SYT6: variants seen among roughly 807,000 people sequenced by gnomAD.
The protein encoded by SYT6 is synaptotagmin-6.
Under a neutral mutation model 38.4 loss-of-function variants are expected in SYT6, and 24 were observed. That is an observed-to-expected ratio of 0.62 (90% confidence interval 0.45 to 0.88). The LOEUF (loss-of-function observed/expected upper bound fraction) is 0.88, where lower values mean the gene tolerates loss of function less well. Ranked by LOEUF, SYT6 falls within the 40% of genes least tolerant of loss-of-function variation. The pLI is 0.00. For synonymous variants in SYT6, 265 were observed against 241.9 expected, an observed-to-expected ratio of 1.10 and a Z score of -0.89; for missense variants, 611 against 621.0, an observed-to-expected ratio of 0.98 and a Z score of 0.17.
At chr1:114,107,781 C>T (rs548661575) in intron 3 of SYT6, among the ~76,000 whole-genome samples, 11 of 152,300 alleles carry the variant, frequency 7.2e-5, no homozygotes, top group Admixed American at 4.6e-4. Context: ...CTCTCTCAGG[C>T]GGTTTCAGTC....
chr1:114,141,156 T>C (rs1238592555), intron 1 of SYT6, among the ~76,000 whole-genome samples: 2 of 152,074 alleles, frequency 1.3e-5, no homozygotes, highest in East Asian at 3.9e-4. Context: ...AATCAAAAGC[T>C]AGAAATAATG....
intron 1 of SYT6, among the ~76,000 whole-genome samples, chr1:114,147,662 C>T (rs980138391): frequency 1.3e-5 from 2 of 152,332 alleles, no homozygotes; most frequent in South Asian, 2.1e-4. Context: ...CCAGAATGAC[C>T]GACAGCACAG....
chr1:114,151,101 G>T (rs1679418767), intron 1 of SYT6, among the ~76,000 whole-genome samples: 1 of 152,162 alleles, frequency 6.6e-6, no homozygotes, highest in Non-Finnish European at 1.5e-5. Context: ...GGAGAATCTG[G>T]ACCCAGAGAG....
intron 3 of SYT6, among the ~76,000 whole-genome samples, chr1:114,124,510 C>T (rs1677613849): frequency 6.6e-6 from 1 of 152,038 alleles, no homozygotes; most frequent in Admixed American, 6.6e-5. Context: ...GGGCAGGTGC[C>T]CACCAGCAGT....
At chr1:114,126,150 G>A (rs559111550) in intron 3 of SYT6, among the ~76,000 whole-genome samples, 4 of 152,264 alleles carry the variant, frequency 2.6e-5, no homozygotes, top group Admixed American at 6.5e-5. Context: ...GCCCAGATTT[G>A]CATTGACTCC....
chr1:114,105,357 C>G (rs1301012458), intron 3 of SYT6, among the ~76,000 whole-genome samples: 1 of 145,138 alleles, frequency 6.9e-6, no homozygotes, highest in Admixed American at 6.9e-5. Flanking sequence ...ACCTCCAGAG[C>G]CTGCGCTCAC....
In SYT6 at chr1:114,111,152, C is replaced by T. The variant is rs567749920; in HGVS notation, c.1072-7431G>A. 1.2e-4 allele frequency among the ~76,000 whole-genome samples: 18 copies of T among 152,318 alleles called. No individual in the cohort carries two copies. In the South Asian group the frequency reaches 3.3e-3, roughly 28 times the overall value. ...AAGCTTCTTCACCGGGTGGCCCTCG[C>T]CTTTCTAGCCAGCCTCACCTTCCAC... On this transcript the variant is annotated intron_variant, in intron 3 of 7. Coordinates refer to ENST00000610222, the MANE Select transcript of SYT6 (RefSeq NM_001253772.2).
chr1:114,134,604 G>A (rs1678370061), intron 3 of SYT6, among the ~76,000 whole-genome samples: 1 of 152,228 alleles, frequency 6.6e-6, no homozygotes, highest in African/African-American at 2.4e-5. Flanking sequence ...GCCACATGGA[G>A]GATGACGGCA....
chr1:114,137,563 T>A lies in SYT6; in HGVS notation c.1003A>T (p.Asn335Tyr). ...HDMIGEVILD[N>Y]LFEASDLSRE... ...GACAGGTCAGAGGCCTCAAAGAGGT[T>A]GTCCAGGATGACCTCGCCAATCATG... The change falls in exon 3 of 8, where the codon AAC (asparagine) becomes TAC (tyrosine). Residue 335 changes from asparagine to tyrosine, a missense_variant. By Grantham distance (143) the Asn-to-Tyr change is moderately radical. Transcript: ENST00000610222. The A allele has an allele frequency of 6.2e-7, 1 of 1,614,164 alleles. No homozygotes were observed. Among genetic ancestry groups the A allele is most frequent in the Non-Finnish European group, 8.5e-7 (1 of 1,180,024 alleles).
At chr1:114,094,259 A>T (rs565374820) in intron 6 of SYT6, among the ~76,000 whole-genome samples, 15 of 152,242 alleles carry the variant, frequency 9.9e-5, no homozygotes, top group Non-Finnish European at 2.1e-4. Context: ...GGAGGCTTAC[A>T]GTGGCTCTGA....
chr1:114,106,103 C>A (rs1342731594), intron 3 of SYT6, among the ~76,000 whole-genome samples: 1 of 152,182 alleles, frequency 6.6e-6, no homozygotes. Flanking sequence ...ATGGGTCCTG[C>A]GGCAGGGGGC....
At chr1:114,101,352 C>A (rs1675957897) in intron 4 of SYT6, among the ~76,000 whole-genome samples, 1 of 152,144 alleles carries the variant, frequency 6.6e-6, no homozygotes, top group Admixed American at 6.5e-5. Flanking sequence ...CTTGGAGGTC[C>A]TTTCCTCTCT....
intron 3 of SYT6, among the ~76,000 whole-genome samples, chr1:114,126,212 A>G (rs1246074886): frequency 6.6e-6 from 1 of 152,146 alleles, no homozygotes; most frequent in African/African-American, 2.4e-5. Context: ...TTGCTCATCT[A>G]TGGCAGGAGG....
intron 1 of SYT6, among the ~76,000 whole-genome samples, chr1:114,149,163 G>C (rs1325658767): frequency 4.0e-5 from 6 of 150,680 alleles, no homozygotes; most frequent in Non-Finnish European, 8.9e-5. Flanking sequence ...GTAACCAGTG[G>C]CCTCTGGAAA....
intron 1 of SYT6, among the ~76,000 whole-genome samples, chr1:114,146,721 T>C (rs1679175486): frequency 6.6e-6 from 1 of 152,224 alleles, no homozygotes; most frequent in South Asian, 2.1e-4. Flanking sequence ...CTTCTTTACT[T>C]CTTCTTCAGC....
At chr1:114,122,926 C>G (rs919718573) in intron 3 of SYT6, among the ~76,000 whole-genome samples, 3 of 152,208 alleles carry the variant, frequency 2.0e-5, no homozygotes, top group Non-Finnish European at 4.4e-5. Flanking sequence ...TTTCAAAATG[C>G]CTGTCCGGGC....
At chr1:114,139,558 T>A (rs1261549969) in intron 2 of SYT6, 57 bp downstream of exon 2, 1 of 1,598,082 alleles carries the variant, frequency 6.3e-7, no homozygotes, top group Non-Finnish European at 8.5e-7. Context: ...ATCCCATAGA[T>A]GTATTAAGGG....
Position 114,139,867 on chromosome 1 carries a change from G to T in SYT6, c.260C>A (p.Pro87His). 6.3e-7 allele frequency: 1 copy of T among 1,575,306 alleles called. No homozygotes were observed. The highest frequency in any genetic ancestry group is 8.6e-7 in the Non-Finnish European group (1 of 1,161,200). Residue 87 changes from proline to histidine, a missense_variant, in exon 2 of 8, where the codon CCC becomes CAC. Coordinates refer to ENST00000610222, the MANE Select transcript of SYT6 (RefSeq NM_001253772.2). ...LFLFWKLCWM[P>H]WRNKEASSPS... is the part of the protein sequence containing the mutation. Reference sequence around the variant, plus strand: ...ACTGGAGGCCTCCTTGTTCCTCCAGGGCATCCAGCACAGCTTCCAAAAGAG... The same window carrying T: ...ACTGGAGGCCTCCTTGTTCCTCCAGTGCATCCAGCACAGCTTCCAAAAGAG...
chr1:114,145,502 GTTTTTTTT>G (rs752982644), intron 1 of SYT6, among the ~76,000 whole-genome samples: 2 of 111,628 alleles, frequency 1.8e-5, no homozygotes, highest in Non-Finnish European at 3.5e-5. Flanking sequence ...GAGGTATTAA[GTTTTTTTT>G]TTTTTTTTTT....
Sources: gnomAD v4.1 joint callset for allele counts (sites outside exome capture counted in the v4.1 genomes callset) on GRCh38, gnomAD v4.1.1 for gene constraint, MANE v1.5 for transcripts, NCBI Gene and HGNC (gene_info 2026-07-23, HGNC 2026-07-21) for gene names.